ANK3: variants seen among roughly 807,000 people sequenced by gnomAD.
ANK3 encodes ankyrin 3, also known as ankyrin-3.
Under a neutral mutation model 370.9 loss-of-function variants are expected in ANK3, and 57 were observed. The ratio of observed to expected loss-of-function variants is 0.15; its 90% CI spans 0.12 to 0.19. The LOEUF is 0.19. ANK3 is among the 10% of genes least tolerant of loss of function. The pLI is 1.00. For synonymous variants in ANK3, 1,929 were observed against 1,946.3 expected (o/e 0.99, Z 0.23); for missense variants, 4,439 against 5,302.1 (o/e 0.84, Z 5.06).
In ANK3 at chr10:60,042,663, A is replaced by G. The variant is rs1406368974; in HGVS notation, c.*19+9T>C. On this transcript the variant is annotated intron_variant, in intron 43 of 43. Transcript: ENST00000280772. ...AAGTCCTACTGTTGTTGATATGAAC[A>G]CACCTCACCTTGACTGACCGTTCGC... The G allele has an allele frequency of 1.2e-6, 2 of 1,611,736 alleles. No homozygotes were observed. The highest frequency in any genetic ancestry group is 2.2e-5 in the South Asian group (2 of 90,848).
chr10:60,372,233 C>T (rs77917688), intron 1 of ANK3, among the ~76,000 whole-genome samples: 15,839 of 152,216 alleles, frequency 0.1, 876 homozygotes, highest in South Asian at 0.13. Context: ...GGGCTCTCAA[C>T]TGCCTTCTCC....
At chr10:60,563,667 G>T (rs2077392032) in intron 2 of ANK3, among the ~76,000 whole-genome samples, 2 of 152,122 alleles carry the variant, frequency 1.3e-5, no homozygotes, top group African/African-American at 4.8e-5. Context: ...TGCCGCCAAA[G>T]AAGTTAAGGA....
At chr10:60,220,054 G>A (rs540441701) in intron 8 of ANK3, among the ~76,000 whole-genome samples, 4 of 149,788 alleles carry the variant, frequency 2.7e-5, no homozygotes, top group African/African-American at 7.6e-5. Flanking sequence ...AATAAAATCT[G>A]GAAACATACA....
chr10:60,473,393 G>A (rs1460190710), intron 2 of ANK3, among the ~76,000 whole-genome samples: 1 of 152,102 alleles, frequency 6.6e-6, no homozygotes, highest in Non-Finnish European at 1.5e-5. Context: ...TAATGCTTCA[G>A]AAACTTCCAG....
At chr10:60,153,100 G>A (rs2132254861) in intron 23 of ANK3, among the ~76,000 whole-genome samples, 1 of 152,346 alleles carries the variant, frequency 6.6e-6, no homozygotes, top group Non-Finnish European at 1.5e-5. Context: ...ATAACTCAGT[G>A]TGGTACAGGC....
rs114997836 is a variant in ANK3 at position 60,209,620 on chromosome 10, C to T, written c.997-1387G>A. On this transcript the variant is annotated intron_variant, in intron 9 of 43. Coordinates refer to ENST00000280772, the MANE Select transcript of ANK3 (RefSeq NM_020987.5). ...AGGATATTTCTGCCTAAAAAATTTCCCTCAAATATTTTAAACCGTAGAAAT... is the reference window on the plus strand; with the variant it reads ...AGGATATTTCTGCCTAAAAAATTTCTCTCAAATATTTTAAACCGTAGAAAT... Among the ~76,000 whole-genome samples the T allele has an allele frequency of 3.8e-3, 575 of 152,236 alleles. 5 individuals carry two copies. The highest frequency in any genetic ancestry group is 0.013 in the African/African-American group (547 of 41,528).
chr10:60,636,396 T>G (rs1355510918), intron 1 of ANK3, among the ~76,000 whole-genome samples: 2 of 152,304 alleles, frequency 1.3e-5, no homozygotes, highest in East Asian at 3.9e-4. Context: ...AAAATCAACC[T>G]CCAAAGTCTC....
intron 25 of ANK3, among the ~76,000 whole-genome samples, chr10:60,129,433 G>A (rs968158860): frequency 1.3e-5 from 2 of 152,094 alleles, no homozygotes; most frequent in Admixed American, 6.6e-5. Flanking sequence ...AAAGAAATCA[G>A]GAACTGAGCA....
At chr10:60,726,284 C>G (rs1463660999) in intron 1 of ANK3, among the ~76,000 whole-genome samples, 1 of 152,154 alleles carries the variant, frequency 6.6e-6, no homozygotes, top group Non-Finnish European at 1.5e-5. Context: ...AAAACCCCAG[C>G]TCATTAAAGT....
Position 60,070,307 on chromosome 10 carries a change from T to C in ANK3, c.10574A>G (p.Asp3525Gly). The change falls in exon 37 of 44, where the codon GAT becomes GGT. Residue 3525 changes from aspartate (D) to glycine (G), a missense_variant. Transcript: ENST00000280772. The surrounding 1 kb of genome is among the most constrained non-coding windows in gnomAD (Gnocchi z 5.7). ...FPDTYFSYKV[D>G]EEFATPFKTV... ...TTTAAAAGGAGTGGCAAATTCTTCA[T>C]CTACTTTGTAACTGAAGTAAGTATC... 6.2e-7 allele frequency: 1 copy of C among 1,614,152 alleles called. No individual in the cohort carries two copies.
At chr10:60,684,743 A>G (rs182196703) in intron 1 of ANK3, 6 of 1,579,340 alleles carry the variant, frequency 3.8e-6, no homozygotes, top group African/African-American at 2.7e-5. Flanking sequence ...GGTGGTCAGG[A>G]GAAATTAATG....
rs778915386 is a variant in ANK3 at position 60,085,243 on chromosome 10, C to T, written c.3759G>A (p.Ser1253=). 1.9e-5 allele frequency: 30 copies of T among 1,611,838 alleles called. No homozygotes were observed. The highest frequency in any genetic ancestry group is 8.4e-5 in the Admixed American group (5 of 59,634). ...CTGTGATGTCTTCCCACTGAGCAGG[C>T]GAAGTGCCCCCTGAGAGAACAACAG... The part of the protein sequence containing the change: ...RLLCSITGGT[S]PAQWEDITGT... The change falls in exon 31 of 44, where the codon TCG becomes TCA. Residue 1253 remains serine, a synonymous_variant. Coordinates refer to ENST00000280772, the MANE Select transcript of ANK3 (RefSeq NM_020987.5).
At chr10:60,709,598 G>A (rs1371591973) in intron 1 of ANK3, among the ~76,000 whole-genome samples, 3 of 152,160 alleles carry the variant, frequency 2.0e-5, no homozygotes, top group Non-Finnish European at 4.4e-5. Flanking sequence ...TCTGAAGCAG[G>A]AGGATCCCTT....
In ANK3 at chr10:60,172,343, G is replaced by A. The variant is rs778740151; in HGVS notation, c.2443C>T (p.Leu815=). Residue 815 remains leucine, a synonymous_variant, in exon 21 of 44, where the codon CTG becomes TTG. Coordinates refer to ENST00000280772, the MANE Select transcript of ANK3 (RefSeq NM_020987.5). ...ATGGTCTCTTCGGTCACTATCTTCA[G>A]GGTGTCCACTACTGAGATGTAGCCG... is the stretch of plus-strand genomic sequence containing the variant. ...RLGYISVVDT[L]KIVTEETMTT... is the part of the protein sequence containing the mutation. 6.2e-7 allele frequency: 1 copy of A among 1,613,840 alleles called. No individual in the cohort carries two copies. The highest frequency in any genetic ancestry group is 8.5e-7 in the Non-Finnish European group (1 of 1,179,878).
chr10:60,234,438 G>C (rs1425431940), intron 8 of ANK3, among the ~76,000 whole-genome samples: 1 of 152,138 alleles, frequency 6.6e-6, no homozygotes, highest in Non-Finnish European at 1.5e-5. Flanking sequence ...ACAGTGTCTT[G>C]AAAATTAAAT....
rs146713578 is a variant in ANK3, at chr10:60,078,976, A to G, written c.4432+1561T>C. Among the ~76,000 whole-genome samples the G allele has an allele frequency of 7.9e-5, 12 of 152,306 alleles. No homozygotes were observed. The East Asian group carries it at 2.3e-3, about 29-fold the overall frequency. ...TTCAATTGACTTTGCCTTAGCAACC[A>G]GAATCAGATGGAAACTCACCTGCCT... On this transcript the variant is annotated intron_variant, in intron 36 of 43. Coordinates refer to ENST00000280772, the MANE Select transcript of ANK3 (RefSeq NM_020987.5).
intron 1 of ANK3, among the ~76,000 whole-genome samples, chr10:60,648,057 G>A (rs1435966486): frequency 6.6e-6 from 1 of 151,162 alleles, no homozygotes; most frequent in African/African-American, 2.4e-5. Context: ...ATGTTGGCCA[G>A]GATGGTCTGG....
intron 25 of ANK3, among the ~76,000 whole-genome samples, chr10:60,126,242 C>G (rs998484272): frequency 3.3e-5 from 5 of 152,190 alleles, no homozygotes; most frequent in Non-Finnish European, 2.9e-5. Flanking sequence ...GAAATCTACT[C>G]AGAGAGAGAA....
intron 43 of ANK3, among the ~76,000 whole-genome samples, chr10:60,032,578 C>G (rs1289802844): frequency 2.0e-5 from 3 of 152,074 alleles, no homozygotes; most frequent in Admixed American, 2.0e-4. Flanking sequence ...TCCTAAAAAC[C>G]AATCCAACTT....
Sources: gnomAD v4.1 joint callset for allele counts (sites outside exome capture counted in the v4.1 genomes callset) on GRCh38, gnomAD v4.1.1 for gene constraint, Gnocchi (gnomAD v3.1) non-coding constraint, MANE v1.5 for transcripts, NCBI Gene and HGNC (gene_info 2026-07-23, HGNC 2026-07-21) for gene names.